SIPA1L1: variants seen among roughly 807,000 people sequenced by gnomAD.
The protein encoded by SIPA1L1 is signal induced proliferation associated 1 like 1.
In SIPA1L1, 26 loss-of-function variants were observed where a neutral mutation model predicts 162.7. The observed-to-expected ratio is 0.16, with a 90% CI of 0.12 to 0.22. The LOEUF is 0.22. Among genes scored for constraint, SIPA1L1 ranks in the 10% least tolerant of loss-of-function variants. The probability of loss-of-function intolerance (pLI) is 1.00; values close to 1 mark genes in which losing one functional copy is unlikely to be tolerated. For missense variants in SIPA1L1, 1,874 were observed against 2,241.0 expected, an observed-to-expected ratio of 0.84 and a Z score of 3.31; for synonymous variants, 829 against 837.4, an observed-to-expected ratio of 0.99 and a Z score of 0.17.
At chr14:71,324,878 A>T (rs1171596035) in intron 2 of SIPA1L1, among the ~76,000 whole-genome samples, 1 of 152,094 alleles carries the variant, frequency 6.6e-6, no homozygotes, top group Admixed American at 6.5e-5. Context: ...TGGGGGTGTT[A>T]GGTGGAGAGA....
At chr14:71,572,564 G>T (rs1205714026) in intron 4 of SIPA1L1, among the ~76,000 whole-genome samples, 4 of 152,176 alleles carry the variant, frequency 2.6e-5, no homozygotes, top group Admixed American at 2.6e-4. Flanking sequence ...TGTCAGGATG[G>T]TGATTGGTGG....
chr14:71,507,998 G>T (rs1324867585), intron 2 of SIPA1L1, among the ~76,000 whole-genome samples: 6 of 152,186 alleles, frequency 3.9e-5, no homozygotes, highest in Admixed American at 1.3e-4. Flanking sequence ...GGGCAAGTGG[G>T]ACGATAGAGG....
rs373081764 is a variant in SIPA1L1, at chr14:71,685,509, G to A, written c.3252G>A (p.Gln1084=). 13 of 1,614,202 alleles carry A rather than the reference G, an allele frequency of 8.1e-6. No individual in the cohort carries two copies. The Admixed American group carries it at 1.2e-4, about 14-fold the overall frequency. Residue 1084 remains glutamine (Q), a synonymous_variant, in exon 13 of 24, where the codon CAG becomes CAA. Coordinates refer to ENST00000381232, the MANE Select transcript of SIPA1L1 (RefSeq NM_001386936.1). ...KGPHSPQVPS[Q]VQSPMTSRLN... ...CTCATTCACCTCAAGTCCCGTCCCA[G>A]GTGCAGAGTCCCATGACCTCGCGGC... is the stretch of plus-strand genomic sequence containing the variant.
chr14:71,505,385 T>C (rs2050574951), intron 2 of SIPA1L1, among the ~76,000 whole-genome samples: 1 of 151,870 alleles, frequency 6.6e-6, no homozygotes, highest in South Asian at 2.1e-4. Context: ...CCGTTACTGC[T>C]GTCTAACATT....
At chr14:71,453,351 C>T (rs1197504675) in intron 2 of SIPA1L1, among the ~76,000 whole-genome samples, 1 of 152,120 alleles carries the variant, frequency 6.6e-6, no homozygotes, top group Non-Finnish European at 1.5e-5. Flanking sequence ...GCAGCCTTGA[C>T]CTCCCGGGCT....
chr14:71,406,032 C>T (rs989222092), intron 2 of SIPA1L1, among the ~76,000 whole-genome samples: 6 of 152,168 alleles, frequency 3.9e-5, no homozygotes, highest in African/African-American at 1.4e-4. Flanking sequence ...GGTAGCGTCT[C>T]GTCGAGAGAT....
chr14:71,543,960 T>TATGTATATATACACACACGCAC (rs1250607904), intron 4 of SIPA1L1, among the ~76,000 whole-genome samples: 9 of 149,644 alleles, frequency 6.0e-5, no homozygotes, highest in South Asian at 2.1e-4. Context: ...TACGCACATG[T>TATGTATATATACACACACGCAC]ATGTATATAT....
At chr14:71,699,513 T>C (rs538598928) in intron 14 of SIPA1L1, among the ~76,000 whole-genome samples, 29 of 152,294 alleles carry the variant, frequency 1.9e-4, no homozygotes, top group Non-Finnish European at 3.1e-4. Context: ...TTAAAAGACA[T>C]AGGGCGTGTT....
intron 22 of SIPA1L1, among the ~76,000 whole-genome samples, chr14:71,737,125 G>A (rs921604645): frequency 6.6e-6 from 1 of 152,182 alleles, no homozygotes; most frequent in Non-Finnish European, 1.5e-5. Flanking sequence ...AGAGATTGGA[G>A]GTCATGGTCA....
At chr14:71,705,393 C>T in intron 16 of SIPA1L1, 53 bp downstream of exon 16, 1 of 1,265,730 alleles carries the variant, frequency 7.9e-7, no homozygotes, top group Non-Finnish European at 1.2e-6. Flanking sequence ...GTGTACCTTC[C>T]TTGCACTATG....
At chr14:71,528,996 C>T (rs2053171748) in intron 3 of SIPA1L1, among the ~76,000 whole-genome samples, 2 of 151,956 alleles carry the variant, frequency 1.3e-5, no homozygotes, top group Admixed American at 1.3e-4. Context: ...CCTGTAATCT[C>T]AGCTACTAGG....
Position 71,339,623 on chromosome 14 carries a change from A to G in SIPA1L1, c.-465+18442A>G, listed in dbSNP as rs997617757. ...AGGTAATCCGCCTGCCTCAGCCTGT[A>G]AAAGTGCTGGGATTATAGGCGTGAG... On this transcript the variant is annotated intron_variant, in intron 2 of 23. Coordinates refer to ENST00000381232, the MANE Select transcript of SIPA1L1 (RefSeq NM_001386936.1). Among the ~76,000 whole-genome samples, 33 of 152,136 alleles carry G rather than the reference A, an allele frequency of 2.2e-4. 1 individual carries two copies. The highest frequency in any genetic ancestry group is 1.8e-3 in the Admixed American group (28 of 15,290).
At chr14:71,516,681 T>C (rs2051761029) in intron 3 of SIPA1L1, among the ~76,000 whole-genome samples, 1 of 149,364 alleles carries the variant, frequency 6.7e-6, no homozygotes, top group African/African-American at 2.4e-5. Context: ...AAAAATGCCT[T>C]TTTTTTTTTG....
In SIPA1L1 at chr14:71,672,401, A is replaced by G. The variant is rs923695405; in HGVS notation, c.2883A>G (p.Leu961=). 2 of 1,614,236 alleles carry G rather than the reference A, an allele frequency of 1.2e-6. No homozygotes were observed. The change falls in exon 12 of 24, where the codon CTA becomes CTG. Residue 961 remains leucine (L), a synonymous_variant. Coordinates refer to ENST00000381232, the MANE Select transcript of SIPA1L1 (RefSeq NM_001386936.1). ...AGATGACTCTGCGAAGAAATGGGCT[A>G]GGACAGCTTGGCTTCCATGTCAACT... is the stretch of plus-strand genomic sequence containing the variant. ...SVEMTLRRNG[L]GQLGFHVNYE...
intron 2 of SIPA1L1, among the ~76,000 whole-genome samples, chr14:71,466,570 G>T (rs2047009163): frequency 7.0e-6 from 1 of 143,816 alleles, no homozygotes; most frequent in Non-Finnish European, 1.5e-5. Context: ...GGCATTAATA[G>T]AGCCATACTG....
At chr14:71,372,471 C>T (rs921888001) in intron 2 of SIPA1L1, among the ~76,000 whole-genome samples, 32 of 152,196 alleles carry the variant, frequency 2.1e-4, no homozygotes, top group African/African-American at 7.7e-4. Flanking sequence ...CCAAAATTTA[C>T]AATTCGCTAT....
At chr14:71,344,683 C>A (rs1192290679) in intron 2 of SIPA1L1, among the ~76,000 whole-genome samples, 1 of 152,182 alleles carries the variant, frequency 6.6e-6, no homozygotes, top group Admixed American at 6.5e-5. Flanking sequence ...CTTCAGCTTC[C>A]TGAGTTGCTG....
intron 3 of SIPA1L1, among the ~76,000 whole-genome samples, chr14:71,522,302 T>C (rs1283689418): frequency 1.3e-5 from 2 of 152,196 alleles, no homozygotes; most frequent in African/African-American, 4.8e-5. Context: ...TCTCTTGGTA[T>C]TGATTTTTCA....
chr14:71,672,252 C>T (rs965982701), intron 11 of SIPA1L1, 96 bp from the exon 12 acceptor site: 1 of 1,270,504 alleles, frequency 7.9e-7, no homozygotes, highest in Non-Finnish European at 1.1e-6. Context: ...ATAAGGTATT[C>T]AGAACTAACC....
Sources: allele counts gnomAD v4.1 joint callset (sites outside exome capture counted in the v4.1 genomes callset), GRCh38; gene constraint gnomAD v4.1.1; transcripts MANE v1.5; gene names NCBI Gene and HGNC (gene_info 2026-07-23, HGNC 2026-07-21).